KCNH5: variants seen among roughly 807,000 people sequenced by gnomAD.
KCNH5 encodes voltage-gated delayed rectifier potassium channel KCNH5.
In KCNH5, 46 loss-of-function variants were observed where a neutral mutation model predicts 96.1. The observed-to-expected ratio is 0.48, with a 90% CI of 0.38 to 0.61. KCNH5 has a LOEUF of 0.61. Ranked by LOEUF, KCNH5 falls within the 20% of genes least tolerant of loss-of-function variation. The pLI, the probability that KCNH5 is intolerant of heterozygous loss-of-function variation, is 0.00. For missense variants in KCNH5, 907 were observed against 1,225.8 expected, an observed-to-expected ratio of 0.74 and a Z score of 3.88; for synonymous variants, 439 against 449.8, an observed-to-expected ratio of 0.98 and a Z score of 0.30.
chr14:62,770,757 C>T (rs1293737452), intron 10 of KCNH5, among the ~76,000 whole-genome samples: 2 of 152,204 alleles, frequency 1.3e-5, no homozygotes, highest in Non-Finnish European at 2.9e-5. Flanking sequence ...GCTGCTGCTG[C>T]ACATCCATCC....
At chr14:62,895,548 G>A (rs994423346) in intron 7 of KCNH5, among the ~76,000 whole-genome samples, 1 of 152,156 alleles carries the variant, frequency 6.6e-6, no homozygotes, top group African/African-American at 2.4e-5. Context: ...GTCCAGGCTG[G>A]TCTCAAACTC....
At chr14:62,794,805 T>C (rs1243480225) in intron 9 of KCNH5, among the ~76,000 whole-genome samples, 3 of 152,178 alleles carry the variant, frequency 2.0e-5, no homozygotes, top group Non-Finnish European at 4.4e-5. Flanking sequence ...TCCCTTTTAA[T>C]TCTTAAATGT....
chr14:62,872,928 A>G (rs1320489272), intron 7 of KCNH5, among the ~76,000 whole-genome samples: 1 of 152,156 alleles, frequency 6.6e-6, no homozygotes, highest in Non-Finnish European at 1.5e-5. Flanking sequence ...AGGCTGGTGG[A>G]TCACGAGGTC....
At chr14:62,954,723 T>C (rs1890068642) in intron 6 of KCNH5, among the ~76,000 whole-genome samples, 2 of 152,154 alleles carry the variant, frequency 1.3e-5, no homozygotes, top group Non-Finnish European at 2.9e-5. Flanking sequence ...CAAGACTCGG[T>C]AATTCGTAAA....
At chr14:63,035,386 T>G (rs1432387593) in intron 1 of KCNH5, among the ~76,000 whole-genome samples, 2 of 152,188 alleles carry the variant, frequency 1.3e-5, no homozygotes, top group African/African-American at 4.8e-5. Context: ...GCATTCACAA[T>G]CCAGTTAATT....
chr14:62,954,625 G>T (rs1327993840), intron 6 of KCNH5, among the ~76,000 whole-genome samples: 1 of 152,178 alleles, frequency 6.6e-6, no homozygotes, highest in Non-Finnish European at 1.5e-5. Context: ...AATAGAGTAT[G>T]TCATTGAGTA....
At chr14:63,023,842 T>C (rs1344580996) in intron 1 of KCNH5, among the ~76,000 whole-genome samples, 1 of 152,102 alleles carries the variant, frequency 6.6e-6, no homozygotes, top group Non-Finnish European at 1.5e-5. Context: ...AATTTACAAA[T>C]ATGTGGAAAT....
chr14:63,029,162 G>A (rs548297099), intron 1 of KCNH5, among the ~76,000 whole-genome samples: 1 of 152,270 alleles, frequency 6.6e-6, no homozygotes, highest in South Asian at 2.1e-4. Flanking sequence ...AACCGTAGTT[G>A]AGTAAAGCAG....
intron 10 of KCNH5, among the ~76,000 whole-genome samples, chr14:62,709,203 C>T (rs978079376): frequency 1.5e-5 from 2 of 131,120 alleles, no homozygotes; most frequent in East Asian, 2.5e-4. Flanking sequence ...ACAGCACTCC[C>T]GCCTGGGCGA....
intron 8 of KCNH5, among the ~76,000 whole-genome samples, chr14:62,839,887 T>A (rs1213649812): frequency 1.3e-5 from 2 of 152,164 alleles, no homozygotes; most frequent in African/African-American, 4.8e-5. Flanking sequence ...ATTCTATTGT[T>A]TTTTTCTATT....
rs374200087 is a variant in KCNH5, at chr14:62,880,298, A to T, written c.1370-30446T>A. 5.3e-5 allele frequency among the ~76,000 whole-genome samples: 8 copies of T among 152,342 alleles called. No homozygotes were observed. In the East Asian group the frequency reaches 9.6e-4, roughly 18 times the overall value. The stretch of plus-strand genomic sequence containing the variant: ...GCTATAAATCCTATTCTTTTTAAAA[A>T]CACATACACGTGCACACTCATGTGC... On this transcript the variant is annotated intron_variant, in intron 7 of 10. Transcript: ENST00000322893.
At chr14:62,878,205 G>A (rs894330899) in intron 7 of KCNH5, among the ~76,000 whole-genome samples, 17 of 146,248 alleles carry the variant, frequency 1.2e-4, no homozygotes, top group Admixed American at 1.0e-3. Flanking sequence ...TGGGGATGGG[G>A]GGGGGGGCGG....
chr14:62,723,508 CAG>C (rs556311446), intron 10 of KCNH5, among the ~76,000 whole-genome samples: 211 of 152,232 alleles, frequency 1.4e-3, no homozygotes, highest in African/African-American at 5.0e-3. Flanking sequence ...AGCAGAAACT[CAG>C]AGAGTCAAAG....
chr14:62,789,274 G>C (rs989285020), intron 9 of KCNH5, among the ~76,000 whole-genome samples: 1 of 151,870 alleles, frequency 6.6e-6, no homozygotes, highest in Non-Finnish European at 1.5e-5. Flanking sequence ...TCTTTTTTAA[G>C]GTTGAATAAT....
chr14:62,738,492 AT>A (rs1361647319), intron 10 of KCNH5, among the ~76,000 whole-genome samples: 1 of 152,052 alleles, frequency 6.6e-6, no homozygotes, highest in Non-Finnish European at 1.5e-5. Flanking sequence ...CTGAAAGTGT[AT>A]CATCTCATAT....
chr14:62,779,874 G>A lies in KCNH5; in HGVS notation c.1873C>T (p.His625Tyr). Residue 625 changes from histidine to tyrosine, a missense_variant, in exon 10 of 11, where the codon CAT becomes TAT. By Grantham distance (83) the His-to-Tyr change is moderately conservative. This residue lies in a region of KCNH5 where 57 missense variants were observed against 76.0 expected (regional missense o/e 0.75). Coordinates refer to ENST00000322893, the MANE Select transcript of KCNH5 (RefSeq NM_139318.5). ...AGTGCCCGGACGTTCGCACATGCAT[G>A]GGCAAGGGTGGTTTCCTTCCAGAAG... ...DIFWKETTLA[H>Y]ACANVRALTY... The A allele has an allele frequency of 6.2e-7, 1 of 1,613,714 alleles. No individual in the cohort carries two copies.
intron 7 of KCNH5, among the ~76,000 whole-genome samples, chr14:62,889,863 C>A (rs1056765364): frequency 6.6e-6 from 1 of 152,104 alleles, no homozygotes; most frequent in African/African-American, 2.4e-5. Context: ...TTTAAAAAGG[C>A]ATTAGAAAAC....
At chr14:62,802,236 A>C (rs1886676546) in intron 9 of KCNH5, 93 bp downstream of exon 9, 1 of 1,345,376 alleles carries the variant, frequency 7.4e-7, no homozygotes, top group Non-Finnish European at 1.0e-6. Context: ...CAAAGTTACC[A>C]AACAAAGGAA....
chr14:62,765,772 A>G (rs981158284), intron 10 of KCNH5, among the ~76,000 whole-genome samples: 2 of 152,146 alleles, frequency 1.3e-5, no homozygotes, highest in African/African-American at 4.8e-5. Context: ...TCTCCAGGGC[A>G]TTGGTCTGGG....
Sources: gnomAD v4.1 joint callset for allele counts (sites outside exome capture counted in the v4.1 genomes callset) on GRCh38, gnomAD v4.1.1 for gene constraint, gnomAD v4.1.1 regional missense constraint, MANE v1.5 for transcripts, NCBI Gene and HGNC (gene_info 2026-07-23, HGNC 2026-07-21) for gene names.